Variants in CELF2 observed in about 807,000 individuals in gnomAD.
The protein encoded by CELF2 is CUGBP Elav-like family member 2.
Under a neutral mutation model 62.6 loss-of-function variants are expected in CELF2, and 8 were observed. The observed-to-expected ratio is 0.13, with a 90% confidence interval of 0.07 to 0.23. The LOEUF is 0.23. Ranked by LOEUF, CELF2 falls within the 10% of genes least tolerant of loss-of-function variation. The pLI, the probability that CELF2 is intolerant of heterozygous loss-of-function variation, is 1.00. For synonymous variants in CELF2, 258 were observed against 250.0 expected, an observed-to-expected ratio of 1.03 and a Z score of -0.30; for missense variants, 333 against 671.0, an observed-to-expected ratio of 0.50 and a Z score of 5.56.
chr10:10,969,591 C>T (rs529413798), intron 2 of CELF2, among the ~76,000 whole-genome samples: 2 of 152,176 alleles, frequency 1.3e-5, no homozygotes, highest in Non-Finnish European at 1.5e-5. Flanking sequence ...TCTCCCTCCC[C>T]TCCCTCTCCC....
chr10:11,211,782 G>A lies in CELF2; in HGVS notation c.272-5643G>A, dbSNP rs1454575849. On this transcript the variant is annotated intron_variant, in intron 2 of 12. Coordinates refer to ENST00000633077, the MANE Select transcript of CELF2 (RefSeq NM_001326342.2). This position sits in a 1 kb window ranked among gnomAD's most constrained non-coding sequence, Gnocchi z 4.8. ...TGTGTGAGTGAGTGAGAGTGTGTGT[G>A]TATGTGTGTGAGAGAGAGAGAGAGA... Among the ~76,000 whole-genome samples the A allele has an allele frequency of 7.0e-6, 1 of 142,982 alleles. No homozygotes were observed. Among genetic ancestry groups the A allele is most frequent in the Admixed American group, 7.3e-5 (1 of 13,654 alleles). 93.8% of individuals were successfully genotyped at this position (142,982 alleles called of 152,430 possible). A position where few individuals can be genotyped will look rare whatever the true frequency, so the allele number is the denominator to read the frequency against.
At chr10:11,019,145 T>C (rs1291574462) in intron 1 of CELF2, among the ~76,000 whole-genome samples, 1 of 152,130 alleles carries the variant, frequency 6.6e-6, no homozygotes, top group East Asian at 1.9e-4. Context: ...TTTTATTAGC[T>C]CGGAGGGGTC....
chr10:10,981,719 C>T (rs2052131152), intron 2 of CELF2, among the ~76,000 whole-genome samples: 1 of 152,144 alleles, frequency 6.6e-6, no homozygotes, highest in African/African-American at 2.4e-5. Context: ...AAGTAAGTAA[C>T]ATTTATTGTG....
chr10:10,782,339 T>G, the CELF2 span, among the ~76,000 whole-genome samples: 138 of 152,224 alleles, frequency 9.1e-4, no homozygotes, highest in African/African-American at 3.0e-3. Flanking sequence ...TCGCAGTGTG[T>G]GGCAGGAGAA....
At chr10:10,762,865 GA>G in the CELF2 span, among the ~76,000 whole-genome samples, 1 of 152,184 alleles carries the variant, frequency 6.6e-6, no homozygotes, top group Non-Finnish European at 1.5e-5. Context: ...AACATAGCAA[GA>G]CCCTGTCTCT....
At chr10:10,682,597 T>C in the CELF2 span, among the ~76,000 whole-genome samples, 1 of 152,164 alleles carries the variant, frequency 6.6e-6, no homozygotes, top group African/African-American at 2.4e-5. Flanking sequence ...GTTTTCTGCT[T>C]TTTGTCGTTC....
chr10:10,564,003 G>A, the CELF2 span, among the ~76,000 whole-genome samples: 5 of 152,120 alleles, frequency 3.3e-5, no homozygotes, highest in Admixed American at 1.3e-4. Flanking sequence ...ATGCATCTTC[G>A]GTGTTTGTTT....
the CELF2 span, among the ~76,000 whole-genome samples, chr10:10,506,335 T>C: frequency 6.6e-6 from 1 of 151,742 alleles, no homozygotes; most frequent in Non-Finnish European, 1.5e-5. Flanking sequence ...TATGTGCCGA[T>C]AAATTATTCC....
intron 2 of CELF2, among the ~76,000 whole-genome samples, chr10:10,982,909 T>C (rs1005020763): frequency 1.1e-4 from 17 of 151,438 alleles, no homozygotes; most frequent in African/African-American, 3.6e-4. Flanking sequence ...GGTGTGTGTT[T>C]TTTTTTTTTA....
At chr10:10,550,163 A>G in the CELF2 span, among the ~76,000 whole-genome samples, 1 of 152,262 alleles carries the variant, frequency 6.6e-6, no homozygotes, top group African/African-American at 2.4e-5. Context: ...TGTATTATAC[A>G]GTATATTCTA....
At chr10:11,088,996 G>A (rs1340403994) in intron 1 of CELF2, among the ~76,000 whole-genome samples, 1 of 152,222 alleles carries the variant, frequency 6.6e-6, no homozygotes. Flanking sequence ...TGCTGGGTTT[G>A]AGAGAGGCGA....
chr10:10,534,378 G>A, the CELF2 span, among the ~76,000 whole-genome samples: 3 of 152,240 alleles, frequency 2.0e-5, no homozygotes, highest in East Asian at 1.9e-4. Flanking sequence ...TGGGGAGACC[G>A]GAGTATGTTT....
intron 9 of CELF2, among the ~76,000 whole-genome samples, chr10:11,312,901 T>G (rs2094649034): frequency 6.6e-6 from 1 of 152,116 alleles, no homozygotes; most frequent in South Asian, 2.1e-4. Context: ...GCCACTGCAC[T>G]CCAGTCTGGG....
chr10:10,895,617 A>C (rs2062491148), intron 1 of CELF2, among the ~76,000 whole-genome samples: 1 of 152,152 alleles, frequency 6.6e-6, no homozygotes, highest in Non-Finnish European at 1.5e-5. Flanking sequence ...TCAATTTCAC[A>C]ATTTATTTTC....
intron 2 of CELF2, chr10:10,929,593 C>T (rs1212777831): frequency 6.6e-6 from 1 of 152,196 alleles, no homozygotes; most frequent in Non-Finnish European, 1.5e-5. Flanking sequence ...CCCAGTTCAG[C>T]CACTTACTTG....
intron 2 of CELF2, among the ~76,000 whole-genome samples, chr10:11,216,086 C>G (rs971224273): frequency 6.6e-6 from 1 of 152,210 alleles, no homozygotes; most frequent in Admixed American, 6.5e-5. Flanking sequence ...TCAAGTGATA[C>G]ATTTGAAGGG....
At chr10:10,962,356 T>C (rs2049609884) in intron 2 of CELF2, among the ~76,000 whole-genome samples, 2 of 152,230 alleles carry the variant, frequency 1.3e-5, no homozygotes, top group Non-Finnish European at 2.9e-5. Flanking sequence ...CTACTTGTTA[T>C]AGGATAAGAC....
At chr10:11,194,631 G>C (rs1381185525) in intron 2 of CELF2, among the ~76,000 whole-genome samples, 6 of 152,132 alleles carry the variant, frequency 3.9e-5, no homozygotes, top group Admixed American at 3.9e-4. Flanking sequence ...ACTCTTGCTA[G>C]CCCTCCCCAT....
intron 1 of CELF2, among the ~76,000 whole-genome samples, chr10:11,127,580 GCC>G (rs1228409500): frequency 6.6e-6 from 1 of 152,042 alleles, no homozygotes; most frequent in African/African-American, 2.4e-5. Context: ...TTTAATGATT[GCC>G]ATTCTAGCTG....
Sources: gnomAD v4.1 joint callset for allele counts (sites outside exome capture counted in the v4.1 genomes callset) on GRCh38, gnomAD v4.1.1 for gene constraint, Gnocchi (gnomAD v3.1) non-coding constraint, MANE v1.5 for transcripts, NCBI Gene and HGNC (gene_info 2026-07-23, HGNC 2026-07-21) for gene names.